LCLAT1: variants seen among roughly 807,000 people sequenced by gnomAD.
LCLAT1 encodes lysocardiolipin acyltransferase 1, also known as 1-AGP acyltransferase 8.
Under a neutral mutation model 30.7 loss-of-function variants are expected in LCLAT1, and 11 were observed. The ratio of observed to expected loss-of-function variants is 0.36; its 90% CI spans 0.23 to 0.59. The LOEUF is 0.59. Among genes scored for constraint, LCLAT1 ranks in the 20% least tolerant of loss-of-function variants. LCLAT1 has a pLI of 0.77. For missense variants in LCLAT1, 402 were observed against 458.6 expected (o/e 0.88, Z 1.13); for synonymous variants, 155 against 151.3 (o/e 1.02, Z -0.18).
chr2:30,577,771 GC>G (rs1431032833), intron 5 of LCLAT1, among the ~76,000 whole-genome samples: 3 of 151,876 alleles, frequency 2.0e-5, no homozygotes, highest in African/African-American at 7.3e-5. Context: ...TTGACAGCTA[GC>G]TTCATATTTG....
intron 1 of LCLAT1, among the ~76,000 whole-genome samples, chr2:30,524,342 A>G (rs968097956): frequency 6.6e-6 from 1 of 152,204 alleles, no homozygotes; most frequent in Non-Finnish European, 1.5e-5. Context: ...CCAAGATGTT[A>G]TTTTCAGATT....
intron 5 of LCLAT1, among the ~76,000 whole-genome samples, chr2:30,634,246 A>G (rs371963264): frequency 2.9e-4 from 44 of 152,364 alleles, no homozygotes; most frequent in Non-Finnish European, 5.9e-4. Flanking sequence ...AAACTTTCCA[A>G]TAGTCACAGT....
intron 5 of LCLAT1, among the ~76,000 whole-genome samples, chr2:30,630,345 A>G (rs1198691980): frequency 6.6e-6 from 1 of 152,256 alleles, no homozygotes; most frequent in Non-Finnish European, 1.5e-5. Context: ...ACAATTGTCT[A>G]TAACAATATC....
intron 5 of LCLAT1, among the ~76,000 whole-genome samples, chr2:30,630,060 G>C (rs1158691874): frequency 6.6e-6 from 1 of 152,080 alleles, no homozygotes; most frequent in Non-Finnish European, 1.5e-5. Context: ...TGTTCTGGAG[G>C]CCAGAAGACC....
At chr2:30,507,311 T>G (rs1441022396) in intron 1 of LCLAT1, among the ~76,000 whole-genome samples, 8 of 152,198 alleles carry the variant, frequency 5.3e-5, no homozygotes, top group Non-Finnish European at 1.2e-4. Flanking sequence ...AACTGATGTC[T>G]TTTCAAATTT....
At chr2:30,570,823 G>A (rs2148453830) in intron 5 of LCLAT1, among the ~76,000 whole-genome samples, 1 of 152,318 alleles carries the variant, frequency 6.6e-6, no homozygotes, top group African/African-American at 2.4e-5. Context: ...GATAACGGGG[G>A]AGCAGAGCAG....
At chr2:30,463,703 A>G (rs1474187376) in intron 1 of LCLAT1, among the ~76,000 whole-genome samples, 1 of 152,212 alleles carries the variant, frequency 6.6e-6, no homozygotes, top group African/African-American at 2.4e-5. Context: ...AGCAGGCTAT[A>G]TGCAAATATG....
chr2:30,538,770 T>G (rs1238873608), intron 3 of LCLAT1, among the ~76,000 whole-genome samples: 1 of 152,078 alleles, frequency 6.6e-6, no homozygotes, highest in Non-Finnish European at 1.5e-5. Flanking sequence ...GCCAGCCAAT[T>G]GGAAAACATA....
At chr2:30,500,777 C>T (rs537778335) in intron 1 of LCLAT1, among the ~76,000 whole-genome samples, 9 of 152,254 alleles carry the variant, frequency 5.9e-5, no homozygotes, top group African/African-American at 1.9e-4. Context: ...ATGAAACTAG[C>T]CCACTTGTCC....
chr2:30,514,407 AC>A (rs1361765988), intron 1 of LCLAT1, among the ~76,000 whole-genome samples: 1 of 152,188 alleles, frequency 6.6e-6, no homozygotes, highest in African/African-American at 2.4e-5. Flanking sequence ...ATTAATTACT[AC>A]CTAAATGGTT....
At chr2:30,543,073 TC>T (rs1558508812) in intron 3 of LCLAT1, among the ~76,000 whole-genome samples, 1 of 152,006 alleles carries the variant, frequency 6.6e-6, no homozygotes, top group Non-Finnish European at 1.5e-5. Context: ...TTTGAGCCTT[TC>T]ACTGTTGAGT....
chr2:30,623,115 G>A (rs140469778), intron 5 of LCLAT1, among the ~76,000 whole-genome samples: 383 of 144,122 alleles, frequency 2.7e-3, no homozygotes, highest in Middle Eastern at 0.011. Flanking sequence ...GTGCAGTGGC[G>A]TGCTCTCTGC....
intron 5 of LCLAT1, among the ~76,000 whole-genome samples, chr2:30,601,052 T>C (rs1667159327): frequency 6.6e-6 from 1 of 152,280 alleles, no homozygotes; most frequent in Middle Eastern, 3.4e-3. Context: ...AGCTCTGAGA[T>C]CCTTTCCTCC....
At chr2:30,632,049 A>G (rs1668792501) in intron 5 of LCLAT1, among the ~76,000 whole-genome samples, 1 of 152,222 alleles carries the variant, frequency 6.6e-6, no homozygotes, top group African/African-American at 2.4e-5. Context: ...ACAGCACTGA[A>G]AAGATTCACC....
At chr2:30,598,970 C>G (rs1025951652) in intron 5 of LCLAT1, among the ~76,000 whole-genome samples, 1 of 144,038 alleles carries the variant, frequency 6.9e-6, no homozygotes, top group Non-Finnish European at 1.5e-5. Context: ...GAGTGAGTTT[C>G]TTTTTTTTTT....
At chr2:30,547,272 T>C (rs1664468870) in intron 3 of LCLAT1, among the ~76,000 whole-genome samples, 1 of 152,200 alleles carries the variant, frequency 6.6e-6, no homozygotes, top group South Asian at 2.1e-4. Context: ...CAGCAAACTT[T>C]CTGATGTCCT....
intron 1 of LCLAT1, among the ~76,000 whole-genome samples, chr2:30,514,886 A>C (rs1375814105): frequency 6.6e-6 from 1 of 152,200 alleles, no homozygotes; most frequent in South Asian, 2.1e-4. Context: ...GTTTATATAC[A>C]TTTCACTTTT....
intron 5 of LCLAT1, among the ~76,000 whole-genome samples, chr2:30,618,781 G>T (rs571867654): frequency 6.6e-6 from 1 of 152,272 alleles, no homozygotes; most frequent in African/African-American, 2.4e-5. Context: ...TAATGAACTT[G>T]TATCCTGTAA....
chr2:30,519,612 C>G (rs1437351052), intron 1 of LCLAT1, among the ~76,000 whole-genome samples: 1 of 152,186 alleles, frequency 6.6e-6, no homozygotes, highest in South Asian at 2.1e-4. Flanking sequence ...CAGCTCACAC[C>G]TGACCAGTCA....
Sources: gnomAD v4.1 joint callset for allele counts (sites outside exome capture counted in the v4.1 genomes callset) on GRCh38, gnomAD v4.1.1 for gene constraint, MANE v1.5 for transcripts, NCBI Gene and HGNC (gene_info 2026-07-23, HGNC 2026-07-21) for gene names.